CPNE4: variants seen among roughly 807,000 people sequenced by gnomAD.
CPNE4 encodes the protein copine-4.
A neutral mutation model predicts 67.9 loss-of-function variants in CPNE4; 25 were observed. That is an observed-to-expected ratio of 0.37 (90% confidence interval 0.27 to 0.51). CPNE4 has a LOEUF of 0.51. Among genes scored for constraint, CPNE4 ranks in the 20% least tolerant of loss-of-function variants. CPNE4 has a pLI of 0.93. For synonymous variants in CPNE4, 242 were observed against 244.9 expected (o/e 0.99, Z 0.11); for missense variants, 464 against 690.8 (o/e 0.67, Z 3.68).
chr3:131,899,009 C>T (rs1295079400), intron 2 of CPNE4, among the ~76,000 whole-genome samples: 2 of 152,060 alleles, frequency 1.3e-5, no homozygotes, highest in Non-Finnish European at 2.9e-5. Context: ...GTTACCCATC[C>T]AAACCTTGCA....
At chr3:131,763,461 A>C (rs1382056869) in intron 2 of CPNE4, among the ~76,000 whole-genome samples, 1 of 152,152 alleles carries the variant, frequency 6.6e-6, no homozygotes, top group African/African-American at 2.4e-5. Context: ...TCCTCAATGC[A>C]ATATTACCAG....
chr3:132,008,225 C>T (rs55638128), intron 1 of CPNE4, among the ~76,000 whole-genome samples: 5,577 of 152,132 alleles, frequency 0.037, 371 homozygotes, highest in African/African-American at 0.13. Context: ...CACCCAGTCT[C>T]GAGTGAAATG....
At chr3:132,034,348 G>A (rs369565127) in intron 1 of CPNE4, among the ~76,000 whole-genome samples, 3 of 152,272 alleles carry the variant, frequency 2.0e-5, no homozygotes, top group Admixed American at 2.0e-4. Flanking sequence ...GGGCGAGTTG[G>A]GTGGATGTCA....
At chr3:131,949,639 A>G (rs943815497) in intron 1 of CPNE4, among the ~76,000 whole-genome samples, 2 of 152,216 alleles carry the variant, frequency 1.3e-5, no homozygotes, top group East Asian at 1.9e-4. Flanking sequence ...AATAAATTCA[A>G]TAAGTTCTAC....
chr3:131,991,852 C>T (rs1443931537), intron 1 of CPNE4, among the ~76,000 whole-genome samples: 1 of 136,140 alleles, frequency 7.3e-6, no homozygotes, highest in Non-Finnish European at 1.7e-5. Flanking sequence ...GCTGCTTCAG[C>T]TCCAGCTGTG....
At chr3:131,972,158 A>G (rs754161254) in intron 1 of CPNE4, among the ~76,000 whole-genome samples, 3 of 152,196 alleles carry the variant, frequency 2.0e-5, no homozygotes, top group South Asian at 2.1e-4. Context: ...AGAAATACCT[A>G]TCTTCTCAGA....
At chr3:131,638,658 A>G (rs1254798237) in intron 7 of CPNE4, among the ~76,000 whole-genome samples, 2 of 152,170 alleles carry the variant, frequency 1.3e-5, no homozygotes, top group African/African-American at 4.8e-5. Flanking sequence ...ACTATACCCT[A>G]AAACAAGTGT....
intron 7 of CPNE4, among the ~76,000 whole-genome samples, chr3:131,632,865 C>G (rs1582927200): frequency 6.6e-6 from 1 of 152,154 alleles, no homozygotes; most frequent in African/African-American, 2.4e-5. Context: ...TGTTTAGAAG[C>G]ATCACTGATG....
chr3:131,981,122 G>T (rs985559813), intron 1 of CPNE4, among the ~76,000 whole-genome samples: 1 of 152,046 alleles, frequency 6.6e-6, no homozygotes, highest in Non-Finnish European at 1.5e-5. Flanking sequence ...ACTCTGTGAG[G>T]GTTCTTAGCT....
At chr3:131,973,136 A>C (rs1371022515) in intron 1 of CPNE4, among the ~76,000 whole-genome samples, 1 of 152,160 alleles carries the variant, frequency 6.6e-6, no homozygotes, top group African/African-American at 2.4e-5. Flanking sequence ...ACCTGGAAAA[A>C]AGTCATTTTG....
intron 2 of CPNE4, among the ~76,000 whole-genome samples, chr3:131,859,654 T>C (rs901384677): frequency 2.0e-5 from 3 of 152,146 alleles, no homozygotes; most frequent in African/African-American, 7.2e-5. Context: ...ATTTGCATTA[T>C]AGGCAAGATT....
chr3:131,928,237 T>G (rs1320010166), intron 1 of CPNE4, among the ~76,000 whole-genome samples: 1 of 152,186 alleles, frequency 6.6e-6, no homozygotes, highest in African/African-American at 2.4e-5. Context: ...TAAGCATGTA[T>G]TAATTATACC....
chr3:131,620,358 T>A (rs1037355904), intron 7 of CPNE4: 10 of 622,060 alleles, frequency 1.6e-5, no homozygotes, highest in Non-Finnish European at 2.0e-5. Context: ...TTTAAAGGTT[T>A]TAAATTGACA....
intron 2 of CPNE4, among the ~76,000 whole-genome samples, chr3:131,838,268 T>G (rs987318614): frequency 6.6e-6 from 1 of 151,960 alleles, no homozygotes; most frequent in African/African-American, 2.4e-5. Flanking sequence ...AATGGATATT[T>G]TAAAGGCTTC....
chr3:131,656,517 A>G (rs1018031209), intron 7 of CPNE4, among the ~76,000 whole-genome samples: 7 of 152,198 alleles, frequency 4.6e-5, no homozygotes, highest in African/African-American at 1.7e-4. Context: ...TAATGTAACT[A>G]TGGGCTTGTG....
chr3:131,844,546 G>A (rs928188058), intron 2 of CPNE4, among the ~76,000 whole-genome samples: 1 of 152,152 alleles, frequency 6.6e-6, no homozygotes, highest in African/African-American at 2.4e-5. Flanking sequence ...CAGTCACCAC[G>A]CCCAGCCCAT....
At chr3:131,974,810 C>G (rs1181831952) in intron 1 of CPNE4, among the ~76,000 whole-genome samples, 3 of 152,084 alleles carry the variant, frequency 2.0e-5, no homozygotes, top group Non-Finnish European at 4.4e-5. Flanking sequence ...GAGTTCGAGA[C>G]CAGCCTGGGC....
intron 1 of CPNE4, among the ~76,000 whole-genome samples, chr3:131,959,842 C>T (rs75140908): frequency 0.05 from 7,682 of 152,210 alleles, 367 homozygotes; most frequent in African/African-American, 0.12. Context: ...CCCTGAATTA[C>T]AGTGATACTA....
chr3:131,537,892 G>A (rs1448352766), intron 15 of CPNE4, among the ~76,000 whole-genome samples: 1 of 152,124 alleles, frequency 6.6e-6, no homozygotes, highest in Non-Finnish European at 1.5e-5. Flanking sequence ...GTATAATCCA[G>A]GGTTTCTCAA....
Sources: gnomAD v4.1 joint callset for allele counts (sites outside exome capture counted in the v4.1 genomes callset) on GRCh38, gnomAD v4.1.1 for gene constraint, MANE v1.5 for transcripts, NCBI Gene and HGNC (gene_info 2026-07-23, HGNC 2026-07-21) for gene names.